Variants in ZBTB20 observed in about 807,000 individuals in gnomAD.
ZBTB20 encodes zinc finger and BTB domain-containing protein 20.
ZBTB20 carries 9 observed loss-of-function variants against 56.9 expected under a neutral mutation model. That is an observed-to-expected ratio of 0.16 (90% CI 0.10 to 0.28). The LOEUF (loss-of-function observed/expected upper bound fraction) is 0.28, where lower values mean the gene tolerates loss of function less well. ZBTB20 is among the 10% of genes least tolerant of loss of function. ZBTB20 has a pLI of 1.00. For synonymous variants in ZBTB20, 417 were observed against 420.7 expected, an observed-to-expected ratio of 0.99 and a Z score of 0.11; for missense variants, 655 against 1,003.0, an observed-to-expected ratio of 0.65 and a Z score of 4.69.
Position 114,844,520 on chromosome 3 carries a change from C to CAAAAAAAAAAAAAAAAA in ZBTB20, c.-416-43363_-416-43347dup, listed in dbSNP as rs71146342. Among the ~76,000 whole-genome samples, 12 of 22,808 alleles carry CAAAAAAAAAAAAAAAAA rather than the reference C, an allele frequency of 5.3e-4. 5 individuals are homozygous for CAAAAAAAAAAAAAAAAA. The highest frequency in any genetic ancestry group is 6.5e-4 in the Non-Finnish European group (10 of 15,306). 15.0% of individuals were successfully genotyped at this position (22,808 alleles called of 152,430 possible). A position where few individuals can be genotyped will look rare whatever the true frequency, so the allele number is the denominator to read the frequency against. On this transcript the variant is annotated intron_variant, in intron 4 of 11. Transcript: ENST00000675478. ...TGGTTGACAGAGCAAGTCCCTGTCT[C>CAAAAAAAAAAAAAAAAA]AAAAAAAAAAAAAAAAAAAAAAAAA...
intron 6 of ZBTB20, among the ~76,000 whole-genome samples, chr3:114,632,309 A>C (rs940915207): frequency 1.3e-5 from 2 of 152,146 alleles, no homozygotes; most frequent in African/African-American, 4.8e-5. Context: ...ACTGAGGATA[A>C]ATTTAATGAC....
chr3:114,901,878 CTT>C (rs1245865413), intron 3 of ZBTB20, among the ~76,000 whole-genome samples: 1 of 151,918 alleles, frequency 6.6e-6, no homozygotes, highest in African/African-American at 2.4e-5. Context: ...GATAATAAGA[CTT>C]TGGATGATTT....
intron 7 of ZBTB20, among the ~76,000 whole-genome samples, chr3:114,413,278 T>C (rs2088169503): frequency 1.3e-5 from 2 of 152,276 alleles, no homozygotes; most frequent in Middle Eastern, 3.4e-3. Flanking sequence ...CAAATTCTAG[T>C]ATACGTGAAC....
At chr3:114,831,056 C>A (rs2073810812) in intron 4 of ZBTB20, among the ~76,000 whole-genome samples, 1 of 147,308 alleles carries the variant, frequency 6.8e-6, no homozygotes, top group African/African-American at 2.5e-5. Context: ...TCCCCCCATA[C>A]CTATCATATT....
intron 6 of ZBTB20, among the ~76,000 whole-genome samples, chr3:114,689,099 C>G (rs1219404142): frequency 2.0e-5 from 3 of 152,122 alleles, no homozygotes; most frequent in Non-Finnish European, 4.4e-5. Context: ...ACTACAGAAC[C>G]ATTTTCTTGA....
At chr3:114,635,461 A>G (rs1274265) in intron 6 of ZBTB20, among the ~76,000 whole-genome samples, 28,912 of 152,026 alleles carry the variant, frequency 0.19, 4,301 homozygotes, top group African/African-American at 0.41. Context: ...AGAAACAGAG[A>G]TCCCTGAATT....
At chr3:115,078,564 C>G (rs565377809) in intron 1 of ZBTB20, among the ~76,000 whole-genome samples, 2 of 147,118 alleles carry the variant, frequency 1.4e-5, no homozygotes, top group East Asian at 4.0e-4. Context: ...ACATTTTAGT[C>G]TAAGTATAGA....
chr3:114,374,295 A>G (rs1177136857), intron 10 of ZBTB20, among the ~76,000 whole-genome samples: 1 of 152,222 alleles, frequency 6.6e-6, no homozygotes, highest in Non-Finnish European at 1.5e-5. Context: ...CTTACAGAAC[A>G]TAGAATAAAG....
intron 7 of ZBTB20, among the ~76,000 whole-genome samples, chr3:114,455,135 G>C (rs908868913): frequency 7.0e-4 from 106 of 151,732 alleles, no homozygotes; most frequent in African/African-American, 2.5e-3. Context: ...ATTGGAACAG[G>C]AGGGAGAGAG....
intron 6 of ZBTB20, among the ~76,000 whole-genome samples, chr3:114,639,064 T>C (rs1341658182): frequency 2.6e-5 from 4 of 152,118 alleles, no homozygotes; most frequent in Non-Finnish European, 5.9e-5. Flanking sequence ...ATGCTCATTA[T>C]TTCTAAAATC....
chr3:114,579,606 C>T (rs1327625185), intron 6 of ZBTB20, among the ~76,000 whole-genome samples: 1 of 150,228 alleles, frequency 6.7e-6, no homozygotes, highest in African/African-American at 2.4e-5. Context: ...ATTTAGACTA[C>T]AAATAAATAA....
intron 1 of ZBTB20, among the ~76,000 whole-genome samples, chr3:115,115,310 AAACTATGT>A (rs2083988626): frequency 6.6e-6 from 1 of 151,992 alleles, no homozygotes; most frequent in Admixed American, 6.6e-5. Context: ...CAATATTCTA[AAACTATGT>A]AACTATAGAT....
At chr3:115,057,095 T>C (rs1371495428) in intron 2 of ZBTB20, among the ~76,000 whole-genome samples, 1 of 152,126 alleles carries the variant, frequency 6.6e-6, no homozygotes, top group Non-Finnish European at 1.5e-5. Context: ...AGTTAACCCC[T>C]TTTCATTATC....
chr3:114,643,966 C>A (rs1421850230), intron 6 of ZBTB20, among the ~76,000 whole-genome samples: 2 of 151,992 alleles, frequency 1.3e-5, no homozygotes, highest in Non-Finnish European at 1.5e-5. Context: ...ACTGTTCTGG[C>A]ACATTATAGG....
intron 1 of ZBTB20, among the ~76,000 whole-genome samples, chr3:115,107,204 G>C (rs1325466145): frequency 6.6e-6 from 1 of 152,066 alleles, no homozygotes; most frequent in Non-Finnish European, 1.5e-5. Flanking sequence ...AGGTAGGAGG[G>C]TCACTTGAAT....
intron 3 of ZBTB20, among the ~76,000 whole-genome samples, chr3:114,936,976 G>A (rs2107831823): frequency 6.6e-6 from 1 of 152,342 alleles, no homozygotes; most frequent in South Asian, 2.1e-4. Context: ...AGGCAAGGAA[G>A]CATTTGGTAG....
intron 6 of ZBTB20, among the ~76,000 whole-genome samples, chr3:114,530,024 A>T (rs2047663796): frequency 6.6e-6 from 1 of 152,240 alleles, no homozygotes; most frequent in African/African-American, 2.4e-5. Flanking sequence ...CAAGATTATA[A>T]GATAACTGAA....
intron 5 of ZBTB20, among the ~76,000 whole-genome samples, chr3:114,729,956 A>AT (rs1229757252): frequency 0.15 from 17,752 of 119,388 alleles, 1,833 homozygotes; most frequent in Middle Eastern, 0.2. Flanking sequence ...CATCCGGCTA[A>AT]TTTTTTTTTT....
chr3:114,427,044 C>T (rs2089737232), intron 7 of ZBTB20, among the ~76,000 whole-genome samples: 1 of 152,104 alleles, frequency 6.6e-6, no homozygotes, highest in Non-Finnish European at 1.5e-5. Context: ...TGATAGGTAT[C>T]ACTAAACACA....
Sources: gnomAD v4.1 joint callset for allele counts (sites outside exome capture counted in the v4.1 genomes callset) on GRCh38, gnomAD v4.1.1 for gene constraint, MANE v1.5 for transcripts, NCBI Gene and HGNC (gene_info 2026-07-23, HGNC 2026-07-21) for gene names.